Variants in SORCS2 observed in about 807,000 individuals in gnomAD.
SORCS2 encodes sortilin related VPS10 domain containing receptor 2, also known as VPS10 domain-containing receptor SorCS2.
Under a neutral mutation model 141.6 loss-of-function variants are expected in SORCS2, and 100 were observed. The observed-to-expected ratio is 0.71, with a 90% confidence interval of 0.60 to 0.83. The LOEUF is 0.83. SORCS2 is among the 40% of genes least tolerant of loss of function. The pLI is 0.00. For synonymous variants in SORCS2, 789 were observed against 676.9 expected, an observed-to-expected ratio of 1.17 and a Z score of -2.57; for missense variants, 1,646 against 1,560.2, an observed-to-expected ratio of 1.05 and a Z score of -0.93.
chr4:7,426,263 G>A (rs944596124), intron 2 of SORCS2, among the ~76,000 whole-genome samples: 1 of 149,606 alleles, frequency 6.7e-6, no homozygotes, highest in Non-Finnish European at 1.5e-5. Flanking sequence ...CACCCTCAAT[G>A]AGTGGCCCAT....
intron 1 of SORCS2, among the ~76,000 whole-genome samples, chr4:7,327,792 C>T (rs1414089255): frequency 1.3e-5 from 2 of 152,102 alleles, no homozygotes; most frequent in Non-Finnish European, 2.9e-5. Context: ...GAGGGCTTGG[C>T]TTGTGTGACC....
chr4:7,305,286 C>A (rs755004525), intron 1 of SORCS2, among the ~76,000 whole-genome samples: 44 of 152,182 alleles, frequency 2.9e-4, no homozygotes, highest in Admixed American at 4.6e-4. Flanking sequence ...CCGCCTCGGC[C>A]TCCCAAAGTG....
chr4:7,257,771 G>A (rs1403028913), intron 1 of SORCS2, among the ~76,000 whole-genome samples: 1 of 152,218 alleles, frequency 6.6e-6, no homozygotes, highest in Non-Finnish European at 1.5e-5. Context: ...GTCCTTCTCT[G>A]CCTGCTCTGT....
intron 3 of SORCS2, among the ~76,000 whole-genome samples, chr4:7,552,627 A>G (rs1713798351): frequency 6.6e-6 from 1 of 152,182 alleles, no homozygotes; most frequent in African/African-American, 2.4e-5. Context: ...CTGGCCCCCC[A>G]CAGGGATCAG....
At chr4:7,356,504 A>G (rs775343351) in intron 1 of SORCS2, among the ~76,000 whole-genome samples, 4 of 149,934 alleles carry the variant, frequency 2.7e-5, no homozygotes, top group African/African-American at 5.0e-5. Context: ...AGAGAGATGG[A>G]GAGAGAGAGA....
intron 1 of SORCS2, among the ~76,000 whole-genome samples, chr4:7,394,404 T>G (rs1724067272): frequency 3.1e-5 from 2 of 65,180 alleles, no homozygotes; most frequent in African/African-American, 6.1e-5. Context: ...CCGGCAGGGT[T>G]GGAGGGGGGG....
chr4:7,676,799 T>TTCTCTC (rs145811983), intron 9 of SORCS2, among the ~76,000 whole-genome samples: 1 of 32,256 alleles, frequency 3.1e-5, no homozygotes. Context: ...AAGTCTGCCT[T>TTCTCTC]TCTGTCTCTC....
intron 9 of SORCS2, among the ~76,000 whole-genome samples, chr4:7,678,424 C>G (rs1000142229): frequency 3.4e-5 from 5 of 149,030 alleles, no homozygotes; most frequent in Non-Finnish European, 7.4e-5. Flanking sequence ...TGGTTACAAG[C>G]ACAACTCTGG....
intron 2 of SORCS2, among the ~76,000 whole-genome samples, chr4:7,520,058 C>G (rs1029744838): frequency 6.6e-6 from 1 of 152,222 alleles, no homozygotes; most frequent in African/African-American, 2.4e-5. Flanking sequence ...GAGGAGAGCC[C>G]TGGTGATGAG....
At chr4:7,276,723 C>T (rs372351573) in intron 1 of SORCS2, among the ~76,000 whole-genome samples, 9 of 152,278 alleles carry the variant, frequency 5.9e-5, no homozygotes, top group East Asian at 5.8e-4. Context: ...CTCCTGAATG[C>T]GATTTAGAAG....
chr4:7,605,877 G>A (rs577913304), intron 3 of SORCS2, among the ~76,000 whole-genome samples: 4 of 152,294 alleles, frequency 2.6e-5, no homozygotes, highest in Non-Finnish European at 5.9e-5. Flanking sequence ...GTGGTGAGCA[G>A]AGAACACCCT....
At chr4:7,616,479 C>T (rs1175292242) in intron 3 of SORCS2, among the ~76,000 whole-genome samples, 1 of 152,176 alleles carries the variant, frequency 6.6e-6, no homozygotes, top group African/African-American at 2.4e-5. Context: ...CCTCTAGCCC[C>T]TGAGCTACCC....
At chr4:7,354,060 C>T (rs62279105) in intron 1 of SORCS2, among the ~76,000 whole-genome samples, 8,721 of 152,292 alleles carry the variant, frequency 0.057, 355 homozygotes, top group Non-Finnish European at 0.095. Context: ...GAACAGTTCT[C>T]GGCACTGGCT....
Position 7,729,573 on chromosome 4 carries a change from A to T in SORCS2, c.2983-14A>T. ...GAAGACAGGCGGACCAAAGTGGCTT[A>T]ACTCTCCCCGCAGGAGACCAGCGTC... is the stretch of plus-strand genomic sequence containing the variant. On this transcript the variant is annotated splice_polypyrimidine_tract_variant and intron_variant, in intron 22 of 26. Coordinates refer to ENST00000507866, the MANE Select transcript of SORCS2 (RefSeq NM_020777.3). 1 of 1,573,220 alleles carries T rather than the reference A, an allele frequency of 6.4e-7. No individual in the cohort carries two copies. Among genetic ancestry groups the T allele is most frequent in the South Asian group, 1.2e-5 (1 of 85,502 alleles).
chr4:7,619,825 G>A (rs942165383), intron 3 of SORCS2, among the ~76,000 whole-genome samples: 6 of 152,096 alleles, frequency 3.9e-5, no homozygotes, highest in African/African-American at 7.2e-5. Context: ...AGGAGCACAC[G>A]CATGTACACG....
intron 1 of SORCS2, among the ~76,000 whole-genome samples, chr4:7,383,700 G>A (rs1380306479): frequency 2.6e-5 from 4 of 152,116 alleles, no homozygotes; most frequent in Admixed American, 6.5e-5. Flanking sequence ...ACCCTTCCAG[G>A]TAGAAGCACA....
intron 1 of SORCS2, among the ~76,000 whole-genome samples, chr4:7,369,590 A>G (rs1722121703): frequency 6.6e-6 from 1 of 152,126 alleles, no homozygotes; most frequent in Non-Finnish European, 1.5e-5. Context: ...TCTGAGATAG[A>G]GAGTTCAGTT....
At chr4:7,489,546 G>C (rs1412527064) in intron 2 of SORCS2, among the ~76,000 whole-genome samples, 2 of 152,080 alleles carry the variant, frequency 1.3e-5, no homozygotes, top group African/African-American at 4.8e-5. Context: ...CCTGGCCCCT[G>C]CAGATGTTAT....
chr4:7,342,398 G>A (rs977043746), intron 1 of SORCS2, among the ~76,000 whole-genome samples: 2 of 152,250 alleles, frequency 1.3e-5, no homozygotes, highest in African/African-American at 4.8e-5. Context: ...ATTTCTGAAT[G>A]ATTCCATTCA....
Sources: gnomAD v4.1 joint callset for allele counts (sites outside exome capture counted in the v4.1 genomes callset) on GRCh38, gnomAD v4.1.1 for gene constraint, MANE v1.5 for transcripts, NCBI Gene and HGNC (gene_info 2026-07-23, HGNC 2026-07-21) for gene names.